The following PMAIP1 variants were observed in gnomAD, a reference collection of about 807,000 sequenced individuals.
PMAIP1 encodes PMA-induced protein 1.
PMAIP1 carries 3 observed loss-of-function variants against 3.7 expected under a neutral mutation model. That is an observed-to-expected ratio of 0.82 (90% CI 0.37 to 2.12). The LOEUF (loss-of-function observed/expected upper bound fraction) is 2.12. Among genes scored for constraint, PMAIP1 ranks in the 30% most tolerant of loss-of-function variants. The pLI, the probability that PMAIP1 is intolerant of heterozygous loss-of-function variation, is 0.06. For missense variants in PMAIP1, 77 were observed against 67.1 expected, an observed-to-expected ratio of 1.15 and a Z score of -0.52; for synonymous variants, 29 against 26.2, an observed-to-expected ratio of 1.11 and a Z score of -0.32.
Position 59,900,076 on chromosome 18 carries a change from A to G in PMAIP1, c.-102A>G. The G allele has an allele frequency of 7.8e-7, 1 of 1,290,086 alleles. No individual in the cohort carries two copies. The highest frequency in any genetic ancestry group is 1.1e-6 in the Non-Finnish European group (1 of 933,730). The allele number at this position is 1,290,086 out of a possible 1,614,324, so 79.9% of individuals were successfully genotyped here. ...CGATCCCAGCATCCCTGCCTGCAGG[A>G]CTGTTCGTGTTCAGCTCGCGTCCTG... On this transcript the variant is annotated 5_prime_UTR_variant, in exon 1 of 2. Coordinates refer to ENST00000316660, the MANE Select transcript of PMAIP1 (RefSeq NM_021127.3).
At chr18:59,900,649 T>C (rs1023129942) in intron 1 of PMAIP1, 1 of 1,505,460 alleles carries the variant, frequency 6.6e-7, no homozygotes, top group East Asian at 2.5e-5. Flanking sequence ...GGGGACCGCC[T>C]GGACTCCCAG....
At chr18:59,902,218 C>T (rs1415051414) in intron 1 of PMAIP1, among the ~76,000 whole-genome samples, 3 of 152,174 alleles carry the variant, frequency 2.0e-5, no homozygotes, top group Non-Finnish European at 2.9e-5. Flanking sequence ...GTTTCCCAGC[C>T]AACCTTAAAT....
At chr18:59,900,391 G>T in intron 1 of PMAIP1, 156 bp downstream of exon 1, 2 of 1,548,854 alleles carry the variant, frequency 1.3e-6, no homozygotes, top group Non-Finnish European at 1.7e-6. Context: ...CGAGCCTTAG[G>T]GGCGCCTCCA....
At chr18:59,900,951 G>GC (rs11426635) in intron 1 of PMAIP1, among the ~76,000 whole-genome samples, 1,634 of 151,580 alleles carry the variant, frequency 0.011, 21 homozygotes, top group African/African-American at 0.031. Flanking sequence ...ACGATTATAC[G>GC]CCCCCCCCAC....
intron 1 of PMAIP1, among the ~76,000 whole-genome samples, chr18:59,901,395 T>C (rs192873781): frequency 8.5e-4 from 130 of 152,348 alleles, no homozygotes; most frequent in Middle Eastern, 3.4e-3. Flanking sequence ...GTTTTTCTTT[T>C]AGAACTGTAT....
chr18:59,902,734 T>C lies in PMAIP1; in HGVS notation c.146T>C (p.Leu49Pro). Reference protein sequence around the residue: ...RQKLLNLISKLFCSGT With the variant: ...RQKLLNLISKPFCSGT ...AAACTTCTGAATCTGATATCCAAAC[T>C]CTTCTGCTCAGGAACCTGACTGCAT... Residue 49 changes from leucine (L) to proline (P), a missense_variant, in exon 2 of 2, where the codon CTC (leucine) becomes CCC (proline). Leu to Pro is a moderately conservative substitution (Grantham distance 98). Coordinates refer to ENST00000316660, the MANE Select transcript of PMAIP1 (RefSeq NM_021127.3). The C allele has an allele frequency of 6.2e-7, 1 of 1,614,136 alleles. No individual in the cohort carries two copies. The highest frequency in any genetic ancestry group is 8.5e-7 in the Non-Finnish European group (1 of 1,179,974).
rs567995177 is a variant in PMAIP1 at position 59,902,825 on chromosome 18, G to T, written c.*72G>T. 3.1e-5 allele frequency: 50 copies of T among 1,609,232 alleles called. No individual in the cohort carries two copies. The African/African-American group carries it at 6.1e-4, about 20-fold the overall frequency. On this transcript the variant is annotated 3_prime_UTR_variant, in exon 2 of 2. Transcript: ENST00000316660. ...CAGGAGGTGCACGTTTCATCAATTTGAAGAAAGACTGCATTGTAATTGAGA... is the reference window on the plus strand; with the variant it reads ...CAGGAGGTGCACGTTTCATCAATTTTAAGAAAGACTGCATTGTAATTGAGA...
Position 59,903,074 on chromosome 18 carries a change from A to G in PMAIP1, c.*321A>G, listed in dbSNP as rs937216353. 4 of 572,402 alleles carry G rather than the reference A, an allele frequency of 7.0e-6. No individual in the cohort carries two copies. The African/African-American group carries it at 7.5e-5, about 11-fold the overall frequency. The allele number at this position is 572,402 out of a possible 1,614,324, so 35.5% of individuals were successfully genotyped here. A position where few individuals can be genotyped will look rare whatever the true frequency, so the allele number is the denominator to read the frequency against. On this transcript the variant is annotated 3_prime_UTR_variant, in exon 2 of 2. Transcript: ENST00000316660. ...GAGAATCGTTCTAGTGTTTTTGCCG[A>G]AGATTACCGCTGGCCTACTGTGAAG...
intron 1 of PMAIP1, among the ~76,000 whole-genome samples, chr18:59,901,132 T>C (rs1817575185): frequency 1.3e-5 from 2 of 152,224 alleles, no homozygotes; most frequent in African/African-American, 2.4e-5. Context: ...CCTTGTTTCT[T>C]TCTGAAGGAT....
rs975277630 is a variant in PMAIP1 at position 59,904,225 on chromosome 18, A to G, written c.*1472A>G. The G allele has an allele frequency of 3.3e-5, 5 of 151,780 alleles. No individual in the cohort carries two copies. The highest frequency in any genetic ancestry group is 5.9e-5 in the Non-Finnish European group (4 of 67,952). 9.4% of individuals were successfully genotyped at this position (151,780 alleles called of 1,614,324 possible). On this transcript the variant is annotated 3_prime_UTR_variant, in exon 2 of 2. Transcript: ENST00000316660. ...GCAGCTATTTTACCATCTGGTATTT[A>G]TGGTCTAATTTGTATTTAAACATAT...
intron 1 of PMAIP1, among the ~76,000 whole-genome samples, chr18:59,901,179 TC>T (rs1418143565): frequency 6.6e-6 from 1 of 152,182 alleles, no homozygotes; most frequent in Non-Finnish European, 1.5e-5. Flanking sequence ...CCGACTTAAT[TC>T]CCAAGAACAG....
At chr18:59,901,259 A>G (rs1438987026) in intron 1 of PMAIP1, among the ~76,000 whole-genome samples, 1 of 152,220 alleles carries the variant, frequency 6.6e-6, no homozygotes, top group Non-Finnish European at 1.5e-5. Context: ...GTGTAATGCA[A>G]TTTTTAAAAA....
At position 59,902,660 on chromosome 18, in the gene PMAIP1, G is replaced by A. The variant is rs373590556; in HGVS notation, c.72G>A (p.Glu24=). The change falls in exon 2 of 2, where the codon GAG becomes GAA. Residue 24 remains glutamate, a synonymous_variant. Transcript: ENST00000316660. The part of the protein sequence containing the change: ...PARAPAELEV[E]CATQLRRFGD... ...TTTCCTTCTCAGAGCTGGAAGTCGAGTGTGCTACTCAACTCAGGAGATTTG... is the reference window on the plus strand; with the variant it reads ...TTTCCTTCTCAGAGCTGGAAGTCGAATGTGCTACTCAACTCAGGAGATTTG... 60 of 1,613,982 alleles carry A rather than the reference G, an allele frequency of 3.7e-5. No individual in the cohort carries two copies. The African/African-American group carries it at 5.3e-4, about 14-fold the overall frequency.
intron 1 of PMAIP1, 134 bp downstream of exon 1, chr18:59,900,369 T>G: frequency 6.5e-7 from 1 of 1,541,354 alleles, no homozygotes; most frequent in South Asian, 1.2e-5. Flanking sequence ...GGGCCAGGTC[T>G]GTGCCCTGGC....
chr18:59,902,750 C>G lies in PMAIP1; in HGVS notation c.162C>G (p.Thr54=). The G allele has an allele frequency of 6.2e-7, 1 of 1,614,148 alleles. No individual in the cohort carries two copies. The highest frequency in any genetic ancestry group is 8.5e-7 in the Non-Finnish European group (1 of 1,179,982). The change falls in exon 2 of 2, where the codon ACC becomes ACG. Residue 54 remains threonine, a synonymous_variant. Coordinates refer to ENST00000316660, the MANE Select transcript of PMAIP1 (RefSeq NM_021127.3). ...TATCCAAACTCTTCTGCTCAGGAAC[C>G]TGACTGCATCAAAAACTTGCATGAG... ...NLISKLFCSG[T]
At chr18:59,900,318 C>A in intron 1 of PMAIP1, 83 bp downstream of exon 1, 2 of 1,510,624 alleles carry the variant, frequency 1.3e-6, no homozygotes, top group South Asian at 2.5e-5. Flanking sequence ...GCGGGCTCAG[C>A]TCGCCGGGGC....
At chr18:59,900,306 G>T in intron 1 of PMAIP1, 71 bp downstream of exon 1, 1 of 1,516,880 alleles carries the variant, frequency 6.6e-7, no homozygotes, top group Non-Finnish European at 8.8e-7. Flanking sequence ...GTCTCGGCTG[G>T]GGCGGGCTCA....
intron 1 of PMAIP1, among the ~76,000 whole-genome samples, chr18:59,902,191 C>G (rs2055776099): frequency 6.6e-6 from 1 of 152,204 alleles, no homozygotes. Context: ...TTGAAAGCCA[C>G]ACAGAACTTG....
chr18:59,903,133 G>T lies in PMAIP1; in HGVS notation c.*380G>T. The T allele has an allele frequency of 2.1e-6, 1 of 478,938 alleles. No individual in the cohort carries two copies. Among genetic ancestry groups the T allele is most frequent in the Non-Finnish European group, 3.8e-6 (1 of 266,070 alleles). The allele number at this position is 478,938 out of a possible 1,614,324, so 29.7% of individuals were successfully genotyped here. On this transcript the variant is annotated 3_prime_UTR_variant, in exon 2 of 2. Transcript: ENST00000316660. ...CCTGTGATTAGACTGGGCGGCTGGG[G>T]AGAAACAGTTCAGTGCATTGTTGTT... is the stretch of plus-strand genomic sequence containing the variant.
Sources: allele counts gnomAD v4.1 joint callset (sites outside exome capture counted in the v4.1 genomes callset), GRCh38; gene constraint gnomAD v4.1.1; transcripts MANE v1.5; gene names NCBI Gene and HGNC (gene_info 2026-07-23, HGNC 2026-07-21).